PLEKHM3: variants seen among roughly 807,000 people sequenced by gnomAD.
The protein encoded by PLEKHM3 is pleckstrin homology domain-containing family M member 3.
PLEKHM3 carries 45 observed loss-of-function variants against 81.8 expected under a neutral mutation model. The observed-to-expected ratio is 0.55, with a 90% CI of 0.43 to 0.71. PLEKHM3 has a LOEUF of 0.71. Ranked by LOEUF, PLEKHM3 falls within the 30% of genes least tolerant of loss-of-function variation. The probability of loss-of-function intolerance (pLI) is 0.00; values close to 1 mark genes in which losing one functional copy is unlikely to be tolerated. For synonymous variants in PLEKHM3, 352 were observed against 356.4 expected, an observed-to-expected ratio of 0.99 and a Z score of 0.14; for missense variants, 788 against 924.3, an observed-to-expected ratio of 0.85 and a Z score of 1.91.
chr2:207,914,239 T>C (rs1325112976), intron 5 of PLEKHM3, among the ~76,000 whole-genome samples: 1 of 151,858 alleles, frequency 6.6e-6, no homozygotes, highest in Non-Finnish European at 1.5e-5. Context: ...CTCACGCCTG[T>C]AATCCCAGCA....
chr2:207,871,980 A>G (rs1314113148), intron 6 of PLEKHM3, among the ~76,000 whole-genome samples: 1 of 152,196 alleles, frequency 6.6e-6, no homozygotes, highest in Non-Finnish European at 1.5e-5. Context: ...TGACTCATTG[A>G]GCAGTAAATG....
At chr2:207,967,671 CAAG>C (rs1157287687) in intron 3 of PLEKHM3, among the ~76,000 whole-genome samples, 1 of 152,208 alleles carries the variant, frequency 6.6e-6, no homozygotes, top group Non-Finnish European at 1.5e-5. Flanking sequence ...AAAGTAAGGG[CAAG>C]AACCGCAAAT....
chr2:207,910,888 G>T (rs1017312401), intron 5 of PLEKHM3, among the ~76,000 whole-genome samples: 1 of 152,110 alleles, frequency 6.6e-6, no homozygotes, highest in African/African-American at 2.4e-5. Context: ...AGACTTTTTG[G>T]AAGAATTGAG....
chr2:207,897,228 C>A (rs189159774), intron 6 of PLEKHM3, among the ~76,000 whole-genome samples: 1 of 152,238 alleles, frequency 6.6e-6, no homozygotes, highest in East Asian at 1.9e-4. Flanking sequence ...GCCTAGATTC[C>A]CCTACGGAAC....
intron 3 of PLEKHM3, among the ~76,000 whole-genome samples, chr2:207,961,075 CG>C (rs1690714513): frequency 6.6e-6 from 1 of 152,192 alleles, no homozygotes; most frequent in African/African-American, 2.4e-5. Flanking sequence ...AAGGCTGGCT[CG>C]GGGCCATATA....
At chr2:207,927,423 G>A (rs1284855754) in intron 5 of PLEKHM3, among the ~76,000 whole-genome samples, 3 of 150,966 alleles carry the variant, frequency 2.0e-5, no homozygotes, top group Admixed American at 2.0e-4. Context: ...GGCTGAGGCA[G>A]GAGAATCGCT....
chr2:207,908,602 G>A, intron 5 of PLEKHM3, 25 bp from the exon 6 acceptor site: 1 of 1,565,254 alleles, frequency 6.4e-7, no homozygotes, highest in Non-Finnish European at 8.8e-7. Flanking sequence ...AGATAGACAA[G>A]TGAACTGTGG....
intron 7 of PLEKHM3, among the ~76,000 whole-genome samples, chr2:207,858,896 T>C (rs1330828502): frequency 2.0e-5 from 3 of 152,114 alleles, no homozygotes; most frequent in Non-Finnish European, 4.4e-5. Context: ...TACCACAATC[T>C]AATTCCAGAA....
intron 7 of PLEKHM3, among the ~76,000 whole-genome samples, chr2:207,850,874 G>A (rs1463552894): frequency 6.7e-6 from 1 of 150,326 alleles, no homozygotes; most frequent in Non-Finnish European, 1.5e-5. Flanking sequence ...GCCCTTCCTG[G>A]CCAGGCACAG....
chr2:207,958,834 C>T (rs545499143), intron 3 of PLEKHM3, among the ~76,000 whole-genome samples: 2 of 152,240 alleles, frequency 1.3e-5, no homozygotes, highest in African/African-American at 4.8e-5. Flanking sequence ...CGTTTGAGCC[C>T]ATGAGGCAGA....
In PLEKHM3 at chr2:207,827,282, G is replaced by A. The variant is rs1156274782; in HGVS notation, c.*1037C>T. 1 of 151,230 alleles carries A rather than the reference G, an allele frequency of 6.6e-6. No homozygotes were observed. Among genetic ancestry groups the A allele is most frequent in the Non-Finnish European group, 1.5e-5 (1 of 67,858 alleles). The allele number at this position is 151,230 out of a possible 1,614,324, so 9.4% of individuals were successfully genotyped here. A position where few individuals can be genotyped will look rare whatever the true frequency, so the allele number is the denominator to read the frequency against. ...AATGAAAGTGCAGGAAGAACAACGA[G>A]AAATAAAGCACTTAAAATGAATAGG... On this transcript the variant is annotated 3_prime_UTR_variant, in exon 8 of 8. Transcript: ENST00000427836.
At chr2:207,927,145 A>G (rs1317275490) in intron 5 of PLEKHM3, among the ~76,000 whole-genome samples, 2 of 152,098 alleles carry the variant, frequency 1.3e-5, no homozygotes, top group East Asian at 1.9e-4. Flanking sequence ...TTCAGTTTCT[A>G]TCAGGGATAT....
intron 7 of PLEKHM3, among the ~76,000 whole-genome samples, chr2:207,838,505 G>A (rs2092332686): frequency 6.6e-6 from 1 of 152,128 alleles, no homozygotes; most frequent in Admixed American, 6.6e-5. Flanking sequence ...TACCCTACTG[G>A]GGACATTAAC....
At chr2:207,855,296 C>T (rs752452452) in intron 7 of PLEKHM3, among the ~76,000 whole-genome samples, 9 of 152,128 alleles carry the variant, frequency 5.9e-5, no homozygotes, top group Non-Finnish European at 1.2e-4. Context: ...AAGGAGCCTA[C>T]TGAGAGCTTG....
At chr2:207,889,802 T>G (rs1418111596) in intron 6 of PLEKHM3, among the ~76,000 whole-genome samples, 1 of 152,006 alleles carries the variant, frequency 6.6e-6, no homozygotes, top group Admixed American at 6.6e-5. Context: ...CATTCACACA[T>G]TTTCCCTCTT....
intron 3 of PLEKHM3, among the ~76,000 whole-genome samples, chr2:207,948,688 C>T (rs1204162355): frequency 1.3e-5 from 2 of 152,086 alleles, no homozygotes; most frequent in Non-Finnish European, 2.9e-5. Context: ...GGACTACAGA[C>T]GCCCGCCACC....
At chr2:207,962,971 T>G (rs1039266619) in intron 3 of PLEKHM3, among the ~76,000 whole-genome samples, 1 of 147,640 alleles carries the variant, frequency 6.8e-6, no homozygotes, top group African/African-American at 2.5e-5. Context: ...AAGATTATAA[T>G]TGGTTTGCTA....
chr2:207,955,158 A>G (rs1690460856), intron 3 of PLEKHM3, among the ~76,000 whole-genome samples: 1 of 152,212 alleles, frequency 6.6e-6, no homozygotes, highest in South Asian at 2.1e-4. Flanking sequence ...TTCCGAAGAC[A>G]TGACTTGAGT....
At chr2:207,870,276 A>C (rs1163031428) in intron 6 of PLEKHM3, among the ~76,000 whole-genome samples, 2 of 152,234 alleles carry the variant, frequency 1.3e-5, no homozygotes, top group African/African-American at 4.8e-5. Context: ...GCTCTTTCTC[A>C]TCAAATTTCC....
Sources: allele counts gnomAD v4.1 joint callset (sites outside exome capture counted in the v4.1 genomes callset), GRCh38; gene constraint gnomAD v4.1.1; transcripts MANE v1.5; gene names NCBI Gene and HGNC (gene_info 2026-07-23, HGNC 2026-07-21).